RABGAP1L: variants seen among roughly 807,000 people sequenced by gnomAD.
RABGAP1L encodes the protein RAB GTPase activating protein 1 like.
A neutral mutation model predicts 137.7 loss-of-function variants in RABGAP1L; 63 were observed. The ratio of observed to expected loss-of-function variants is 0.46; its 90% CI spans 0.37 to 0.56. RABGAP1L has a LOEUF of 0.56. Among genes scored for constraint, RABGAP1L ranks in the 20% least tolerant of loss-of-function variants. The probability of loss-of-function intolerance (pLI) is 0.00; values close to 1 mark genes in which losing one functional copy is unlikely to be tolerated. For missense variants in RABGAP1L, 1,095 were observed against 1,244.0 expected (o/e 0.88, Z 1.80); for synonymous variants, 431 against 433.7 (o/e 0.99, Z 0.08).
intron 1 of RABGAP1L, among the ~76,000 whole-genome samples, chr1:174,206,483 T>G (rs1432922895): frequency 6.6e-6 from 1 of 152,218 alleles, no homozygotes; most frequent in East Asian, 1.9e-4. Flanking sequence ...ATTTTCTTAG[T>G]GTAAGTTAAG....
At chr1:174,172,552 G>A (rs1405310655) in intron 1 of RABGAP1L, among the ~76,000 whole-genome samples, 2 of 152,280 alleles carry the variant, frequency 1.3e-5, no homozygotes, top group Non-Finnish European at 1.5e-5. Flanking sequence ...CAGGTGTGAG[G>A]TGATAGCTCA....
In RABGAP1L at chr1:174,176,741, A is replaced by AAAAAAAAAAATAAAAT. The variant is rs755688394; in HGVS notation, c.-34+17089_-34+17090insAAAAATAAAATAAAAA. Among the ~76,000 whole-genome samples the AAAAAAAAAAATAAAAT allele has an allele frequency of 5.9e-4, 66 of 111,800 alleles. 2 individuals carry two copies. The highest frequency in any genetic ancestry group is 2.1e-3 in the African/African-American group (58 of 28,030). The allele number at this position is 111,800 out of a possible 152,430, so 73.3% of individuals were successfully genotyped here. A position where few individuals can be genotyped will look rare whatever the true frequency, so the allele number is the denominator to read the frequency against. The stretch of plus-strand genomic sequence containing the variant: ...AAAAAAAAAAAAAAAAAAAAAAAAA[A>AAAAAAAAAAATAAAAT]AAAAAGGTCAACATTTGTTAATACT... On this transcript the variant is annotated intron_variant, in intron 1 of 25. Transcript: ENST00000681986.
rs1478470043 is a variant in RABGAP1L at position 174,448,200 on chromosome 1, G to A, written c.1710+54055G>A. On this transcript the variant is annotated intron_variant, in intron 13 of 25. Coordinates refer to ENST00000681986, the MANE Select transcript of RABGAP1L (RefSeq NM_001366446.1). The surrounding 1 kb of genome is among the most constrained non-coding windows in gnomAD (Gnocchi z 4.2). ...TCCGAGCGTCACTCCTGCCCACTTG[G>A]ATTTGGCCACTACAGTGTGGTGGAT... is the stretch of plus-strand genomic sequence containing the variant. 6.2e-7 allele frequency: 1 copy of A among 1,613,894 alleles called. No homozygotes were observed. Among genetic ancestry groups the A allele is most frequent in the South Asian group, 1.1e-5 (1 of 91,062 alleles).
chr1:174,393,801 A>G (rs1647463868), intron 12 of RABGAP1L, among the ~76,000 whole-genome samples, 194 bp from the exon 13 acceptor site: 1 of 152,214 alleles, frequency 6.6e-6, no homozygotes. Flanking sequence ...TGGTTCACCA[A>G]TAAGAAGATG....
In RABGAP1L at chr1:174,165,271, C is replaced by G. The variant is rs561989806; in HGVS notation, c.-34+5614C>G. On this transcript the variant is annotated intron_variant, in intron 1 of 25. Coordinates refer to ENST00000681986, the MANE Select transcript of RABGAP1L (RefSeq NM_001366446.1). Reference sequence around the variant, plus strand: ...TCAAGTGATTCTCCTGCGTCAGCCTCCCTGAGTAGCTGGGATTACAGGCGC... The same window carrying G: ...TCAAGTGATTCTCCTGCGTCAGCCTGCCTGAGTAGCTGGGATTACAGGCGC... 2.6e-5 allele frequency among the ~76,000 whole-genome samples: 4 copies of G among 152,232 alleles called. No individual in the cohort carries two copies. In the East Asian group the frequency reaches 7.7e-4, roughly 29 times the overall value.
intron 19 of RABGAP1L, among the ~76,000 whole-genome samples, chr1:174,872,788 C>T (rs1304762964): frequency 6.6e-6 from 1 of 152,090 alleles, no homozygotes; most frequent in Non-Finnish European, 1.5e-5. Flanking sequence ...CAGTCCTCCT[C>T]CCTCAGCCTC....
At chr1:174,320,144 G>C (rs560712064) in intron 11 of RABGAP1L, among the ~76,000 whole-genome samples, 1 of 152,080 alleles carries the variant, frequency 6.6e-6, no homozygotes, top group Non-Finnish European at 1.5e-5. Context: ...TAGTTCACCA[G>C]GTTTGAAAAG....
At chr1:174,188,197 A>G (rs1016489980) in intron 1 of RABGAP1L, among the ~76,000 whole-genome samples, 4 of 152,194 alleles carry the variant, frequency 2.6e-5, no homozygotes, top group South Asian at 2.1e-4. Flanking sequence ...AAATTCCATT[A>G]GCTGTAAAGT....
intron 13 of RABGAP1L, among the ~76,000 whole-genome samples, chr1:174,543,728 G>A (rs1339347010): frequency 6.6e-6 from 1 of 152,156 alleles, no homozygotes; most frequent in Non-Finnish European, 1.5e-5. Context: ...TGCAGTGGCT[G>A]GTACCAGTTG....
chr1:174,770,457 A>C (rs568525694), intron 18 of RABGAP1L, among the ~76,000 whole-genome samples: 1 of 152,216 alleles, frequency 6.6e-6, no homozygotes, highest in Non-Finnish European at 1.5e-5. Context: ...TGTTGAAGCA[A>C]TTTCTCATTA....
chr1:174,319,756 T>G (rs1404975115), intron 11 of RABGAP1L, among the ~76,000 whole-genome samples: 1 of 152,180 alleles, frequency 6.6e-6, no homozygotes, highest in Non-Finnish European at 1.5e-5. Flanking sequence ...TTATCATGAA[T>G]AAGTATTGGA....
intron 13 of RABGAP1L, among the ~76,000 whole-genome samples, chr1:174,631,779 A>G (rs957068517): frequency 2.0e-5 from 3 of 149,792 alleles, no homozygotes; most frequent in Non-Finnish European, 3.0e-5. Flanking sequence ...TTTTGAGCCT[A>G]TGTATGTCTC....
intron 17 of RABGAP1L, among the ~76,000 whole-genome samples, chr1:174,720,636 T>C (rs1681448500): frequency 6.6e-6 from 1 of 152,116 alleles, no homozygotes; most frequent in Admixed American, 6.5e-5. Context: ...TATTGACTTA[T>C]AAAAGAATGA....
At chr1:174,694,691 T>A (rs1028826211) in intron 15 of RABGAP1L, among the ~76,000 whole-genome samples, 3 of 152,006 alleles carry the variant, frequency 2.0e-5, no homozygotes, top group African/African-American at 4.8e-5. Flanking sequence ...GCAGCATGAT[T>A]TATAGTCCTT....
At chr1:174,481,914 G>T (rs946074885) in intron 13 of RABGAP1L, among the ~76,000 whole-genome samples, 2 of 144,856 alleles carry the variant, frequency 1.4e-5, no homozygotes, top group East Asian at 4.1e-4. Context: ...AAAAAAAAAA[G>T]AAACCACTGA....
intron 13 of RABGAP1L, among the ~76,000 whole-genome samples, chr1:174,526,072 GTCT>G (rs2147865753): frequency 6.6e-6 from 1 of 152,134 alleles, no homozygotes; most frequent in Non-Finnish European, 1.5e-5. Context: ...TCATTTGTAT[GTCT>G]TCTTTTGAGA....
chr1:174,622,165 C>A (rs1427689243), intron 13 of RABGAP1L, among the ~76,000 whole-genome samples: 2 of 152,160 alleles, frequency 1.3e-5, no homozygotes, highest in African/African-American at 2.4e-5. Context: ...TACCATCTCA[C>A]ACCGGTTAGA....
chr1:174,748,794 G>C (rs1276170941), intron 17 of RABGAP1L, among the ~76,000 whole-genome samples: 1 of 152,044 alleles, frequency 6.6e-6, no homozygotes, highest in Non-Finnish European at 1.5e-5. Context: ...AAGATTGCTT[G>C]AGTTCAAAAG....
chr1:174,518,557 A>G (rs1663072240), intron 13 of RABGAP1L, among the ~76,000 whole-genome samples: 1 of 152,122 alleles, frequency 6.6e-6, no homozygotes, highest in South Asian at 2.1e-4. Flanking sequence ...CAGATGCAGA[A>G]CCTATGGATT....
Sources: allele counts gnomAD v4.1 joint callset (sites outside exome capture counted in the v4.1 genomes callset), GRCh38; gene constraint gnomAD v4.1.1; non-coding constraint Gnocchi (gnomAD v3.1); transcripts MANE v1.5; gene names NCBI Gene and HGNC (gene_info 2026-07-23, HGNC 2026-07-21).